The following LRCOL1 variants were observed in gnomAD, a reference collection of about 807,000 sequenced individuals.
LRCOL1 encodes the protein leucine-rich colipase-like protein 1.
A neutral mutation model predicts 21.6 loss-of-function variants in LRCOL1; 21 were observed. The observed-to-expected ratio is 0.97, with a 90% CI of 0.69 to 1.40. The LOEUF (loss-of-function observed/expected upper bound fraction) is 1.40. Ranked by LOEUF, LRCOL1 falls within the 40% of genes most tolerant of loss-of-function variation. The probability of loss-of-function intolerance (pLI) is 0.00; values close to 1 mark genes in which losing one functional copy is unlikely to be tolerated. For missense variants in LRCOL1, 198 were observed against 202.3 expected (o/e 0.98, Z 0.13); for synonymous variants, 98 against 90.1 (o/e 1.09, Z -0.49).
In LRCOL1 at chr12:132,606,130, G is replaced by T. The variant is rs566896129; in HGVS notation, c.105+17C>A. The T allele has an allele frequency of 6.3e-4, 966 of 1,535,364 alleles. 9 individuals are homozygous for T. In the South Asian group the frequency reaches 7.4e-3, roughly 12 times the overall value. On this transcript the variant is annotated intron_variant, in intron 2 of 5. Transcript: ENST00000376608. The surrounding 1 kb of genome is among the most constrained non-coding windows in gnomAD (Gnocchi z 4.6). The stretch of plus-strand genomic sequence containing the variant: ...CGTGTGGGGCCTGCAGGGGCATCAG[G>T]GGTGCCCGGCACCCACCTTATGGGA...
intron 1 of LRCOL1, among the ~76,000 whole-genome samples, chr12:132,607,591 G>A (rs1284563038): frequency 2.0e-5 from 3 of 151,916 alleles, no homozygotes; most frequent in Non-Finnish European, 4.4e-5. Flanking sequence ...CTGTCTCTCT[G>A]TCTCTGCCTC....
intron 2 of LRCOL1, 164 bp from the exon 3 acceptor site, chr12:132,604,995 C>T: frequency 6.9e-7 from 1 of 1,440,354 alleles, no homozygotes; most frequent in Non-Finnish European, 9.1e-7. Flanking sequence ...GTGGTTCTGG[C>T]AGGTCAGTGC....
chr12:132,610,176 C>T (rs1475722746), intron 1 of LRCOL1, 147 bp downstream of exon 1: 1 of 152,244 alleles, frequency 6.6e-6, no homozygotes, highest in Admixed American at 6.5e-5. Flanking sequence ...GCTGGTTCCG[C>T]CGCAGGGTCG....
rs1439175963 is a variant in LRCOL1 at position 132,604,505 on chromosome 12, C to G, written c.311G>C (p.Cys104Ser). 6.5e-7 allele frequency: 1 copy of G among 1,536,102 alleles called. No individual in the cohort carries two copies. Among genetic ancestry groups the G allele is most frequent in the African/African-American group, 1.4e-5 (1 of 73,066 alleles). The stretch of plus-strand genomic sequence containing the variant: ...CTGCAGGAAGACGCTTTGGGGCGTG[C>G]ACAACTCCTGCGGGCTGTTGTTGCG... Reference protein sequence around the residue: ...CVRNNSPQELCTPQSVFLQCV... With the variant: ...CVRNNSPQELSTPQSVFLQCV... The change falls in exon 4 of 6, where the codon TGC becomes TCC. Residue 104 changes from cysteine to serine, a missense_variant. By Grantham distance (112) the Cys-to-Ser change is moderately radical. Transcript: ENST00000376608.
chr12:132,604,903 C>T (rs143087407), intron 2 of LRCOL1, 72 bp from the exon 3 acceptor site: 19 of 1,503,752 alleles, frequency 1.3e-5, no homozygotes, highest in Middle Eastern at 3.4e-4. Context: ...CAGGAAAGGC[C>T]TGCCCTCTCC....
rs1435147740 is a variant in LRCOL1, at chr12:132,604,421, G to A, written c.354+41C>T. ...GCAGTCGTGGAGAGGGGCTGTCTCC[G>A]GCTACCCCTGCTCCATCTGCCCCGG... On this transcript the variant is annotated intron_variant, in intron 4 of 5. Transcript: ENST00000376608. 18 of 1,532,948 alleles carry A rather than the reference G, an allele frequency of 1.2e-5. No homozygotes were observed. The East Asian group carries it at 2.0e-4, about 17-fold the overall frequency. The allele number at this position is 1,532,948 out of a possible 1,614,324, so 95.0% of individuals were successfully genotyped here.
At chr12:132,603,432 C>T (rs1368998115) in intron 5 of LRCOL1, 28 bp from the exon 6 acceptor site, 3 of 1,536,162 alleles carry the variant, frequency 2.0e-6, no homozygotes, top group South Asian at 2.4e-5. Flanking sequence ...GCTGAGGAAA[C>T]GTGCAGGGGA....
At chr12:132,608,720 C>A (rs1365011944) in intron 1 of LRCOL1, among the ~76,000 whole-genome samples, 1 of 152,240 alleles carries the variant, frequency 6.6e-6, no homozygotes, top group Non-Finnish European at 1.5e-5. Context: ...GTGTGAGCCA[C>A]TGTGCCCGTC....
intron 2 of LRCOL1, 92 bp from the exon 3 acceptor site, chr12:132,604,923 C>T: frequency 6.8e-7 from 1 of 1,480,196 alleles, no homozygotes; most frequent in East Asian, 2.5e-5. Context: ...CTTGGCTCCC[C>T]TGTGTCACCA....
At position 132,604,573 on chromosome 12, in the gene LRCOL1, G is replaced by C. The variant is rs561823686; in HGVS notation, c.243C>G (p.Tyr81Ter). Residue 81 changes from tyrosine to a stop codon, truncating the protein, a stop_gained, in exon 4 of 6, where the codon TAC (tyrosine) becomes TAG (stop). Coordinates refer to ENST00000376608, the MANE Select transcript of LRCOL1 (RefSeq NM_001195520.2). LOFTEE classifies it high-confidence loss of function. ...GGCACTCTGAGTCGTGCGAGCATCT[G>C]TACCCATTGGGCTATGGGACAGGAG... ...QCLPWRKPNG[Y>*]RCSHDSECQS... 6.5e-7 allele frequency: 1 copy of C among 1,535,226 alleles called. No individual in the cohort carries two copies. Among genetic ancestry groups the C allele is most frequent in the African/African-American group, 1.4e-5 (1 of 73,122 alleles).
chr12:132,604,361 A>G lies in LRCOL1; in HGVS notation c.370T>C (p.Cys124Arg). The change falls in exon 5 of 6, where the codon TGC becomes CGC. Residue 124 changes from cysteine (C) to arginine (R), a missense_variant. By Grantham distance (180) the Cys-to-Arg change is radical. Transcript: ENST00000376608. Reference sequence around the variant, plus strand: ...CTGTGACACTCCTGATGGCTGCTGCAGAAGTCGCCGTTGGGCTGGGGAGGC... The same window carrying G: ...CTGTGACACTCCTGATGGCTGCTGCGGAAGTCGCCGTTGGGCTGGGGAGGC... ...VPWRKPNGDF[C>R]SSHQECHSQC... 1 of 1,535,758 alleles carries G rather than the reference A, an allele frequency of 6.5e-7. No homozygotes were observed. The highest frequency in any genetic ancestry group is 1.2e-5 in the South Asian group (1 of 84,042).
chr12:132,604,028 G>A (rs1200771875), intron 5 of LRCOL1: 11 of 1,376,892 alleles, frequency 8.0e-6, no homozygotes, highest in Non-Finnish European at 1.0e-5. Context: ...CCGGGCACCC[G>A]TGCCCTGCGG....
At chr12:132,608,485 C>T (rs888930798) in intron 1 of LRCOL1, among the ~76,000 whole-genome samples, 7 of 152,362 alleles carry the variant, frequency 4.6e-5, no homozygotes, top group African/African-American at 1.2e-4. Flanking sequence ...TGAGTCATGT[C>T]GACACTTTCC....
In LRCOL1 at chr12:132,603,309, A is replaced by G; in HGVS notation, c.*93T>C. ...GAAACAGCAGCACAAACCGTAAGGG[A>G]AGCTTCCGCTGGAACCAGCCCCCGC... On this transcript the variant is annotated 3_prime_UTR_variant, in exon 6 of 6. Coordinates refer to ENST00000376608, the MANE Select transcript of LRCOL1 (RefSeq NM_001195520.2). 6.6e-7 allele frequency: 1 copy of G among 1,510,458 alleles called. No homozygotes were observed. Among genetic ancestry groups the G allele is most frequent in the South Asian group, 1.2e-5 (1 of 83,412 alleles). The allele number at this position is 1,510,458 out of a possible 1,614,324, so 93.6% of individuals were successfully genotyped here.
In LRCOL1 at chr12:132,604,244, C is replaced by T. The variant is rs183409576; in HGVS notation, c.477+10G>A. On this transcript the variant is annotated intron_variant, in intron 5 of 5. Coordinates refer to ENST00000376608, the MANE Select transcript of LRCOL1 (RefSeq NM_001195520.2). ...AGGGCCTGGAGGCTGAGCCCCCGCCCGGGACTTACCAGGGGCAGGCACTGG... is the reference window on the plus strand; with the variant it reads ...AGGGCCTGGAGGCTGAGCCCCCGCCTGGGACTTACCAGGGGCAGGCACTGG... 5.1e-4 allele frequency: 776 copies of T among 1,528,632 alleles called. 10 individuals are homozygous for T. The East Asian group carries it at 0.014, about 27-fold the overall frequency. 94.7% of individuals were successfully genotyped at this position (1,528,632 alleles called of 1,614,324 possible). A position where few individuals can be genotyped will look rare whatever the true frequency, so the allele number is the denominator to read the frequency against.
Position 132,610,399 on chromosome 12 carries a change from C to G in LRCOL1, c.-90G>C, listed in dbSNP as rs189567043. On this transcript the variant is annotated 5_prime_UTR_variant, in exon 1 of 6. Transcript: ENST00000376608. Reference sequence around the variant, plus strand: ...AGCTGCAGCTTCTAGACGAGACGCCCGAAAGCAGAGAAGTACCCAGAGCAG... The same window carrying G: ...AGCTGCAGCTTCTAGACGAGACGCCGGAAAGCAGAGAAGTACCCAGAGCAG... 3 of 152,346 alleles carry G rather than the reference C, an allele frequency of 2.0e-5. No individual in the cohort carries two copies. The highest frequency in any genetic ancestry group is 7.2e-5 in the African/African-American group (3 of 41,444). The allele number at this position is 152,346 out of a possible 1,614,324, so 9.4% of individuals were successfully genotyped here.
At position 132,606,083 on chromosome 12, in the gene LRCOL1, G is replaced by T. The variant is rs908127984; in HGVS notation, c.105+64C>A. On this transcript the variant is annotated intron_variant, in intron 2 of 5. Coordinates refer to ENST00000376608, the MANE Select transcript of LRCOL1 (RefSeq NM_001195520.2). The surrounding 1 kb of genome is among the most constrained non-coding windows in gnomAD (Gnocchi z 4.6). Reference sequence around the variant, plus strand: ...TGGGGACTGCAAGGGCCTCAGGGGCGCCCGGCACCCACCTTATGGCGCGTG... The same window carrying T: ...TGGGGACTGCAAGGGCCTCAGGGGCTCCCGGCACCCACCTTATGGCGCGTG... 19 of 1,490,714 alleles carry T rather than the reference G, an allele frequency of 1.3e-5. No individual in the cohort carries two copies. Among genetic ancestry groups the T allele is most frequent in the Non-Finnish European group, 1.6e-5 (18 of 1,107,812 alleles). 92.3% of individuals were successfully genotyped at this position (1,490,714 alleles called of 1,614,324 possible). A position where few individuals can be genotyped will look rare whatever the true frequency, so the allele number is the denominator to read the frequency against.
chr12:132,604,253 C>A lies in LRCOL1; in HGVS notation c.477+1G>T, dbSNP rs917429503. 42 of 1,532,532 alleles carry A rather than the reference C, an allele frequency of 2.7e-5. No individual in the cohort carries two copies. Among genetic ancestry groups the A allele is most frequent in the Non-Finnish European group, 3.6e-5 (41 of 1,145,296 alleles). 94.9% of individuals were successfully genotyped at this position (1,532,532 alleles called of 1,614,324 possible). A position where few individuals can be genotyped will look rare whatever the true frequency, so the allele number is the denominator to read the frequency against. On this transcript the variant is annotated splice_donor_variant, in intron 5 of 5. Transcript: ENST00000376608. LOFTEE classifies it high-confidence loss of function. The stretch of plus-strand genomic sequence containing the variant: ...AGGCTGAGCCCCCGCCCGGGACTTA[C>A]CAGGGGCAGGCACTGGGCCAGGATC...
chr12:132,604,087 C>T, intron 5 of LRCOL1, 167 bp downstream of exon 5: 1 of 1,427,812 alleles, frequency 7.0e-7, no homozygotes, highest in East Asian at 2.5e-5. Flanking sequence ...GCGGCCCCCA[C>T]CTTATGAGAT....
Sources: gnomAD v4.1 joint callset for allele counts (sites outside exome capture counted in the v4.1 genomes callset) on GRCh38, gnomAD v4.1.1 for gene constraint, Gnocchi (gnomAD v3.1) non-coding constraint, MANE v1.5 for transcripts, NCBI Gene and HGNC (gene_info 2026-07-23, HGNC 2026-07-21) for gene names.